The following KLHL20 variants were observed in gnomAD, a reference collection of about 807,000 sequenced individuals.
KLHL20 encodes the protein kelch-like protein 20.
Under a neutral mutation model 69.5 loss-of-function variants are expected in KLHL20, and 29 were observed. That is an observed-to-expected ratio of 0.42 (90% CI 0.31 to 0.57). The LOEUF is 0.57. Ranked by LOEUF, KLHL20 falls within the 20% of genes least tolerant of loss-of-function variation. KLHL20 has a pLI of 0.18. For missense variants in KLHL20, 419 were observed against 776.0 expected, an observed-to-expected ratio of 0.54 and a Z score of 5.47; for synonymous variants, 253 against 265.2, an observed-to-expected ratio of 0.95 and a Z score of 0.45.
At chr1:173,747,851 G>C (rs1014389778) in intron 3 of KLHL20, among the ~76,000 whole-genome samples, 1 of 147,890 alleles carries the variant, frequency 6.8e-6, no homozygotes, top group Non-Finnish European at 1.5e-5. Flanking sequence ...ACAGTAGAAG[G>C]AAGAAAATAA....
chr1:173,778,540 T>C (rs1305282659), intron 10 of KLHL20, among the ~76,000 whole-genome samples: 1 of 151,894 alleles, frequency 6.6e-6, no homozygotes, highest in Non-Finnish European at 1.5e-5. Context: ...GGTTTTGCCA[T>C]GTTGCCCAGC....
At chr1:173,767,489 G>A (rs1043278778) in intron 8 of KLHL20, among the ~76,000 whole-genome samples, 17 of 152,078 alleles carry the variant, frequency 1.1e-4, no homozygotes, top group Non-Finnish European at 2.1e-4. Context: ...GGCTATACTA[G>A]TTTACATTCT....
rs769382619 is a variant in KLHL20, at chr1:173,766,321, T to A, written c.1295+32T>A. 2.9e-5 allele frequency: 45 copies of A among 1,558,056 alleles called. No homozygotes were observed. In the South Asian group the frequency reaches 5.2e-4, roughly 18 times the overall value. On this transcript the variant is annotated intron_variant, in intron 8 of 11. Coordinates refer to ENST00000209884, the MANE Select transcript of KLHL20 (RefSeq NM_014458.4). ...TTTTTTTTAAGTCATTTTCCGTATTTTTATTTTAAAGAACATAGAGCTCTT... is the reference window on the plus strand; with the variant it reads ...TTTTTTTTAAGTCATTTTCCGTATTATTATTTTAAAGAACATAGAGCTCTT...
chr1:173,726,526 G>A (rs140048956), intron 2 of KLHL20, among the ~76,000 whole-genome samples: 137 of 152,204 alleles, frequency 9.0e-4, no homozygotes, highest in African/African-American at 2.8e-3. Flanking sequence ...CACCTCCAAC[G>A]GACGGGTACT....
chr1:173,731,229 G>T (rs1672260373), intron 2 of KLHL20, among the ~76,000 whole-genome samples: 1 of 152,226 alleles, frequency 6.6e-6, no homozygotes, highest in Non-Finnish European at 1.5e-5. Flanking sequence ...AGGTGCTGGA[G>T]AGGATGTGGA....
intron 11 of KLHL20, among the ~76,000 whole-genome samples, chr1:173,784,027 C>T (rs1378590822): frequency 6.6e-6 from 1 of 151,264 alleles, no homozygotes; most frequent in Non-Finnish European, 1.5e-5. Context: ...TGCAGTGAGC[C>T]GAGATCACAC....
At chr1:173,756,868 A>G in intron 6 of KLHL20, 108 bp from the exon 7 acceptor site, 1 of 964,348 alleles carries the variant, frequency 1.0e-6, no homozygotes, top group Non-Finnish European at 1.5e-6. Context: ...ACCTACTACT[A>G]GAGACATTTG....
intron 11 of KLHL20, 118 bp downstream of exon 11, chr1:173,782,348 C>T: frequency 1.6e-6 from 1 of 632,476 alleles, no homozygotes; most frequent in Non-Finnish European, 2.7e-6. Flanking sequence ...TTGAAGAGGG[C>T]TGAAGTTACA....
chr1:173,774,227 G>A (rs554210172), intron 8 of KLHL20, 78 bp from the exon 9 acceptor site: 19 of 1,548,788 alleles, frequency 1.2e-5, no homozygotes, highest in Middle Eastern at 1.7e-4. Context: ...TCAGTATATC[G>A]TTAGTGTGAT....
At chr1:173,751,973 C>T (rs887326913) in intron 4 of KLHL20, 51 bp downstream of exon 4, 7 of 1,561,636 alleles carry the variant, frequency 4.5e-6, no homozygotes, top group Admixed American at 1.8e-5. Context: ...CATGGTGGCT[C>T]ATGACTGTAA....
intron 8 of KLHL20, among the ~76,000 whole-genome samples, chr1:173,770,098 TATAAG>T (rs1309140480): frequency 6.6e-6 from 1 of 151,988 alleles, no homozygotes; most frequent in Non-Finnish European, 1.5e-5. Flanking sequence ...ACAAAGTTAA[TATAAG>T]AAGAGAGAAT....
chr1:173,748,945 T>C (rs955938197), intron 3 of KLHL20, among the ~76,000 whole-genome samples: 5 of 152,122 alleles, frequency 3.3e-5, no homozygotes, highest in Admixed American at 3.3e-4. Context: ...TTCACAAATA[T>C]CTGAAGAATA....
chr1:173,726,569 G>A (rs187557606), intron 2 of KLHL20, among the ~76,000 whole-genome samples: 31 of 152,268 alleles, frequency 2.0e-4, no homozygotes, highest in East Asian at 1.9e-3. Context: ...GGAACGATCA[G>A]GCAGCAACAT....
chr1:173,736,889 C>T (rs1232808459), intron 3 of KLHL20, among the ~76,000 whole-genome samples: 1 of 152,214 alleles, frequency 6.6e-6, no homozygotes, highest in East Asian at 1.9e-4. Context: ...AGCCACCGCA[C>T]CCGGCCTATG....
chr1:173,727,262 A>G (rs1268344490), intron 2 of KLHL20, among the ~76,000 whole-genome samples: 6 of 152,146 alleles, frequency 3.9e-5, no homozygotes, highest in African/African-American at 1.4e-4. Flanking sequence ...AAAAGACCAA[A>G]TCTACGTCTG....
intron 2 of KLHL20, among the ~76,000 whole-genome samples, chr1:173,727,161 A>G (rs1327671185): frequency 6.6e-6 from 1 of 152,176 alleles, no homozygotes; most frequent in African/African-American, 2.4e-5. Flanking sequence ...TGGAAGATCA[A>G]ATGAATGAAA....
intron 10 of KLHL20, 81 bp from the exon 11 acceptor site, chr1:173,782,043 T>C (rs535960325): frequency 6.0e-5 from 56 of 934,344 alleles, no homozygotes; most frequent in South Asian, 3.4e-4. Flanking sequence ...CTTTTGTAAA[T>C]AGATTTATCT....
intron 3 of KLHL20, among the ~76,000 whole-genome samples, chr1:173,735,379 G>T (rs968672682): frequency 6.6e-6 from 1 of 151,818 alleles, no homozygotes; most frequent in African/African-American, 2.4e-5. Flanking sequence ...CCAGGAGGTA[G>T]AGGTTGCAGT....
rs145420302 is a variant in KLHL20, at chr1:173,758,203, A to G, written c.1151+1044A>G. Among the ~76,000 whole-genome samples, 5 of 152,136 alleles carry G rather than the reference A, an allele frequency of 3.3e-5. No homozygotes were observed. The East Asian group carries it at 9.7e-4, about 29-fold the overall frequency. The stretch of plus-strand genomic sequence containing the variant: ...GGAGGCCCGCTTGAGCCTGGGAGGT[A>G]AAGGTTGCCATGAGATGAGATTGCG... On this transcript the variant is annotated intron_variant, in intron 7 of 11. Transcript: ENST00000209884.
Sources: allele counts gnomAD v4.1 joint callset (sites outside exome capture counted in the v4.1 genomes callset), GRCh38; gene constraint gnomAD v4.1.1; transcripts MANE v1.5; gene names NCBI Gene and HGNC (gene_info 2026-07-23, HGNC 2026-07-21).